The following EFCAB5 variants were observed in gnomAD, a reference collection of about 807,000 sequenced individuals.
EFCAB5 encodes the protein EF-hand calcium-binding domain-containing protein 5.
A neutral mutation model predicts 167.9 loss-of-function variants in EFCAB5; 131 were observed. The ratio of observed to expected loss-of-function variants is 0.78; its 90% CI spans 0.68 to 0.90. The LOEUF is 0.90. Among genes scored for constraint, EFCAB5 ranks in the 40% least tolerant of loss-of-function variants. The pLI is 0.00. For missense variants in EFCAB5, 1,663 were observed against 1,745.2 expected (o/e 0.95, Z 0.84); for synonymous variants, 574 against 602.8 (o/e 0.95, Z 0.70).
intron 7 of EFCAB5, among the ~76,000 whole-genome samples, chr17:30,025,642 C>T (rs936138231): frequency 2.9e-4 from 44 of 152,224 alleles, no homozygotes; most frequent in African/African-American, 9.9e-4. Context: ...CTAGAAATAC[C>T]ACTTGACCCA....
intron 3 of EFCAB5, among the ~76,000 whole-genome samples, chr17:29,951,331 GT>G: frequency 6.6e-6 from 1 of 151,732 alleles, no homozygotes; most frequent in South Asian, 2.1e-4. Flanking sequence ...TTTTGTTTTT[GT>G]TTTGTTTTGT....
chr17:30,035,993 C>T (rs919830699), intron 8 of EFCAB5, among the ~76,000 whole-genome samples: 58 of 148,778 alleles, frequency 3.9e-4, no homozygotes, highest in African/African-American at 1.4e-3. Flanking sequence ...AACATAATGA[C>T]TATGTATATG....
intron 4 of EFCAB5, among the ~76,000 whole-genome samples, chr17:29,973,756 G>A (rs541909215): frequency 8.6e-5 from 13 of 151,720 alleles, no homozygotes; most frequent in Non-Finnish European, 1.8e-4. Context: ...GATTACAGGC[G>A]TGAGCCACCG....
chr17:30,005,435 T>C (rs2068754940), intron 7 of EFCAB5, among the ~76,000 whole-genome samples: 1 of 152,248 alleles, frequency 6.6e-6, no homozygotes, highest in Admixed American at 6.5e-5. Context: ...AATTTAAAAA[T>C]TTCTTCTTAC....
At chr17:30,091,850 G>T (rs755376195) in intron 20 of EFCAB5, 21 bp from the exon 21 acceptor site, 3 of 1,610,714 alleles carry the variant, frequency 1.9e-6, no homozygotes, top group Non-Finnish European at 2.5e-6. Flanking sequence ...AGCAATGTGA[G>T]CTATCATTTT....
intron 4 of EFCAB5, among the ~76,000 whole-genome samples, chr17:29,970,653 C>T (rs886294877): frequency 6.9e-6 from 1 of 145,436 alleles, no homozygotes; most frequent in East Asian, 2.0e-4. Context: ...CACACACACA[C>T]ACACACACAC....
intron 4 of EFCAB5, among the ~76,000 whole-genome samples, chr17:29,988,135 T>A (rs370261812): frequency 1.3e-5 from 2 of 152,176 alleles, no homozygotes; most frequent in Admixed American, 1.3e-4. Context: ...TGTGAAAGTG[T>A]CTAGCATTAG....
At chr17:30,028,997 C>T (rs1274084903) in intron 7 of EFCAB5, among the ~76,000 whole-genome samples, 17 of 152,286 alleles carry the variant, frequency 1.1e-4, no homozygotes, top group African/African-American at 4.1e-4. Context: ...AGGCTGTCAA[C>T]ATATTAATTT....
chr17:30,073,746 C>T (rs2070804623), intron 14 of EFCAB5: 1 of 695,748 alleles, frequency 1.4e-6, no homozygotes, highest in African/African-American at 1.8e-5. Context: ...AATACATGCC[C>T]TATGCATCCC....
intron 14 of EFCAB5, chr17:30,073,089 C>T (rs2151823816): frequency 3.0e-6 from 2 of 674,474 alleles, no homozygotes; most frequent in South Asian, 3.1e-5. Context: ...CCAGGTCTCA[C>T]TCTGTCGCCA....
intron 14 of EFCAB5, among the ~76,000 whole-genome samples, chr17:30,061,668 C>G (rs1019665944): frequency 1.3e-5 from 2 of 152,162 alleles, no homozygotes; most frequent in Non-Finnish European, 2.9e-5. Context: ...CTCTATCTTC[C>G]AGGCTCAAAT....
chr17:29,962,191 T>C (rs1317732055), intron 3 of EFCAB5, among the ~76,000 whole-genome samples: 2 of 152,208 alleles, frequency 1.3e-5, no homozygotes, highest in African/African-American at 2.4e-5. Flanking sequence ...AGTTTCATAT[T>C]AATCTGAGGA....
rs1017900430 is a variant in EFCAB5 at position 30,053,583 on chromosome 17, A to G, written c.1629A>G (p.Val543=). ...AGCAAGAACTGTACATAGAATCAGT[A>G]ATAGAACCAGGAACACACACAGAGT... is the stretch of plus-strand genomic sequence containing the variant. ...TAEQELYIES[V]IEPGTHTEST... Residue 543 remains valine, a synonymous_variant, in exon 10 of 23, where the codon GTA becomes GTG. Coordinates refer to ENST00000394835, the MANE Select transcript of EFCAB5 (RefSeq NM_198529.4). The G allele has an allele frequency of 1.3e-5, 21 of 1,613,894 alleles. No individual in the cohort carries two copies. The African/African-American group carries it at 1.6e-4, about 12-fold the overall frequency.
chr17:29,949,895 C>A (rs967705960), intron 3 of EFCAB5, among the ~76,000 whole-genome samples: 20 of 152,232 alleles, frequency 1.3e-4, no homozygotes, highest in African/African-American at 4.8e-4. Context: ...AGAGCACTAA[C>A]AGGCTGCAAT....
At chr17:30,073,992 A>G (rs1279517396) in intron 14 of EFCAB5, 3 of 186,276 alleles carry the variant, frequency 1.6e-5, no homozygotes, top group African/African-American at 7.0e-5. Flanking sequence ...CCACTTTTCT[A>G]TTTTCTACCA....
intron 22 of EFCAB5, among the ~76,000 whole-genome samples, chr17:30,099,871 G>C (rs1041466661): frequency 6.6e-6 from 1 of 152,040 alleles, no homozygotes; most frequent in African/African-American, 2.4e-5. Context: ...CCTCACAGTA[G>C]GTGTGTTTTT....
rs144428075 is a variant in EFCAB5 at position 30,078,486 on chromosome 17, C to A, written c.3009C>A (p.Thr1003=). The A allele has an allele frequency of 2.0e-5, 32 of 1,597,274 alleles. No individual in the cohort carries two copies. The African/African-American group carries it at 3.9e-4, about 19-fold the overall frequency. Residue 1003 remains threonine, a synonymous_variant, in exon 15 of 23, where the codon ACC becomes ACA. Coordinates refer to ENST00000394835, the MANE Select transcript of EFCAB5 (RefSeq NM_198529.4). ...CCCTAGAGCCGGTGTATAGTGAGAC[C>A]TTTAAGGCCCTCATGCAGGTACGTT... The part of the protein sequence containing the change: ...GVSLEPVYSE[T]FKALMQDAEA...
In EFCAB5 at chr17:30,007,377, C is replaced by T. The variant is rs1250148860; in HGVS notation, c.1044+7401C>T. 5.3e-5 allele frequency among the ~76,000 whole-genome samples: 8 copies of T among 152,102 alleles called. 1 individual carries two copies. Among genetic ancestry groups the T allele is most frequent in the Non-Finnish European group, 8.8e-5 (6 of 68,016 alleles). On this transcript the variant is annotated intron_variant, in intron 7 of 22. Coordinates refer to ENST00000394835, the MANE Select transcript of EFCAB5 (RefSeq NM_198529.4). ...GCCAGACTGAAATGAAAAGATAAAT[C>T]GAGTATGACTTCTTATTCTTGTTCA...
At chr17:30,105,493 C>T (rs909518183) in intron 22 of EFCAB5, among the ~76,000 whole-genome samples, 5 of 151,560 alleles carry the variant, frequency 3.3e-5, no homozygotes, top group African/African-American at 9.7e-5. Flanking sequence ...TCTCAAAAAA[C>T]GAAACAAACA....
Sources: allele counts gnomAD v4.1 joint callset (sites outside exome capture counted in the v4.1 genomes callset), GRCh38; gene constraint gnomAD v4.1.1; transcripts MANE v1.5; gene names NCBI Gene and HGNC (gene_info 2026-07-23, HGNC 2026-07-21).